Variants in PCDHGA8 observed in about 807,000 individuals in gnomAD.
The protein encoded by PCDHGA8 is protocadherin gamma-A8.
In PCDHGA8, 45 loss-of-function variants were observed where a neutral mutation model predicts 59.2. The observed-to-expected ratio is 0.76, with a 90% CI of 0.60 to 0.98. The LOEUF is 0.98. Ranked by LOEUF, PCDHGA8 falls within the 50% of genes least tolerant of loss-of-function variation. The pLI, the probability that PCDHGA8 is intolerant of heterozygous loss-of-function variation, is 0.00. For missense variants in PCDHGA8, 1,257 were observed against 1,196.2 expected (o/e 1.05, Z -0.75); for synonymous variants, 531 against 519.0 (o/e 1.02, Z -0.32).
intron 1 of PCDHGA8, among the ~76,000 whole-genome samples, chr5:141,492,356 G>A (rs2099739649): frequency 6.6e-6 from 1 of 152,198 alleles, no homozygotes; most frequent in Non-Finnish European, 1.5e-5. Context: ...ACTGCCACTC[G>A]CTCGCGGCCA....
rs1242637725 is a variant in PCDHGA8 at position 141,432,619 on chromosome 5, T to G, written c.2424+37382T>G. 3.1e-6 allele frequency: 5 copies of G among 1,612,618 alleles called. No homozygotes were observed. The highest frequency in any genetic ancestry group is 1.7e-5 in the Admixed American group (1 of 59,934). On this transcript the variant is annotated intron_variant, in intron 1 of 3. Transcript: ENST00000398604. This position sits in a 1 kb window ranked among gnomAD's most constrained non-coding sequence, Gnocchi z 6.0. ...GCGAGCCGGGACTCTTCTCGGTGGG[T>G]CTGCACACGGGCGAGGTGCGCACGG... is the stretch of plus-strand genomic sequence containing the variant.
chr5:141,428,426 C>T (rs1040765233), intron 1 of PCDHGA8: 1 of 435,172 alleles, frequency 2.3e-6, no homozygotes, highest in African/African-American at 2.0e-5. Context: ...GGTCTCTGTT[C>T]TAAGACTAGA....
chr5:141,437,512 G>A (rs1201910374), intron 1 of PCDHGA8, among the ~76,000 whole-genome samples: 2 of 152,144 alleles, frequency 1.3e-5, no homozygotes, highest in African/African-American at 2.4e-5. Flanking sequence ...TGAATTATAA[G>A]GCTGATGACA....
Position 141,491,340 on chromosome 5 carries a change from C to T in PCDHGA8, c.2425-3467C>T, listed in dbSNP as rs772328241. The T allele has an allele frequency of 3.7e-6, 6 of 1,614,144 alleles. No individual in the cohort carries two copies. The Admixed American group carries it at 6.7e-5, about 18-fold the overall frequency. ...TTTACCTCATTGTGGCTCTAGCGAC[C>T]GTCAGTCTCTTATCCCTAGTCACCT... On this transcript the variant is annotated intron_variant, in intron 1 of 3. Transcript: ENST00000398604. This position sits in a 1 kb window ranked among gnomAD's most constrained non-coding sequence, Gnocchi z 6.9.
chr5:141,497,509 C>T (rs1282025317), intron 2 of PCDHGA8, among the ~76,000 whole-genome samples: 1 of 151,184 alleles, frequency 6.6e-6, no homozygotes, highest in Non-Finnish European at 1.5e-5. Flanking sequence ...CTCTCTGCTT[C>T]CTTAGTTAAC....
chr5:141,456,875 A>C (rs2098894225), intron 1 of PCDHGA8, among the ~76,000 whole-genome samples: 1 of 152,190 alleles, frequency 6.6e-6, no homozygotes, highest in African/African-American at 2.4e-5. Context: ...AGGCAGGAGA[A>C]TCGCTTGAAC....
intron 1 of PCDHGA8, chr5:141,419,630 G>A (rs1484627772): frequency 6.2e-7 from 1 of 1,612,430 alleles, no homozygotes; most frequent in South Asian, 1.1e-5. Context: ...GGTGACCAAG[G>A]TGGTGGCCGT....
At position 141,485,680 on chromosome 5, in the gene PCDHGA8, C is replaced by A. The variant is rs1450674419; in HGVS notation, c.2425-9127C>A. The A allele has an allele frequency of 6.2e-7, 1 of 1,613,966 alleles. No individual in the cohort carries two copies. On this transcript the variant is annotated intron_variant, in intron 1 of 3. Transcript: ENST00000398604. The surrounding 1 kb of genome is among the most constrained non-coding windows in gnomAD (Gnocchi z 5.7). ...ATGTGGGGAGCAATTCGATTAGCAGCTATAGGCTGAGCTCCAATGAACACT... is the reference window on the plus strand; with the variant it reads ...ATGTGGGGAGCAATTCGATTAGCAGATATAGGCTGAGCTCCAATGAACACT...
rs1054012796 is a variant in PCDHGA8 at position 141,420,071 on chromosome 5, G to C, written c.2424+24834G>C. The C allele has an allele frequency of 6.2e-7, 1 of 1,614,050 alleles. No individual in the cohort carries two copies. On this transcript the variant is annotated intron_variant, in intron 1 of 3. Coordinates refer to ENST00000398604, the MANE Select transcript of PCDHGA8 (RefSeq NM_032088.2). ...AGTTCTCTGCTCCAAGTCCGGACCT[G>C]TGGGTCCCCCCAACTACAGTGAGGG...
At chr5:141,412,060 C>G (rs1191231135) in intron 1 of PCDHGA8, 2 of 152,154 alleles carry the variant, frequency 1.3e-5, no homozygotes, top group African/African-American at 2.4e-5. Context: ...ATACCCTTTG[C>G]ATTTGAGGGA....
intron 1 of PCDHGA8, chr5:141,414,330 G>T: frequency 6.2e-7 from 1 of 1,613,714 alleles, no homozygotes; most frequent in Non-Finnish European, 8.5e-7. Flanking sequence ...AGAATGGACA[G>T]GTAACCTGTT....
At chr5:141,436,181 T>C (rs1050736907) in intron 1 of PCDHGA8, among the ~76,000 whole-genome samples, 2 of 152,092 alleles carry the variant, frequency 1.3e-5, no homozygotes, top group African/African-American at 4.8e-5. Flanking sequence ...TCATATATAG[T>C]CAAATAGAAA....
At chr5:141,404,150 G>T in intron 1 of PCDHGA8, 1 of 1,612,828 alleles carries the variant, frequency 6.2e-7, no homozygotes, top group South Asian at 1.1e-5. Flanking sequence ...TTCAGAAGAA[G>T]ATTATTACAG....
At chr5:141,451,925 G>A (rs1391178313) in intron 1 of PCDHGA8, among the ~76,000 whole-genome samples, 2 of 152,012 alleles carry the variant, frequency 1.3e-5, no homozygotes, top group East Asian at 3.8e-4. Context: ...AGGAAGGGAG[G>A]TAGGGAGGCA....
chr5:141,410,778 G>T, intron 1 of PCDHGA8: 3 of 818,726 alleles, frequency 3.7e-6, no homozygotes, highest in Non-Finnish European at 3.4e-6. Flanking sequence ...TTTTCACTAT[G>T]TATTTGGTTC....
rs1591337394 is a variant in PCDHGA8, at chr5:141,434,573, C to A, written c.2424+39336C>A. 2.0e-5 allele frequency among the ~76,000 whole-genome samples: 3 copies of A among 152,336 alleles called. No individual in the cohort carries two copies. The South Asian group carries it at 6.2e-4, about 32-fold the overall frequency. On this transcript the variant is annotated intron_variant, in intron 1 of 3. Transcript: ENST00000398604. The stretch of plus-strand genomic sequence containing the variant: ...TCTGTGCCTTAAGGACATGCCCCTG[C>A]TGCAGATAACTACCTCAATCCATCC...
At chr5:141,422,950 G>A (rs1388735971) in intron 1 of PCDHGA8, 2 of 1,614,230 alleles carry the variant, frequency 1.2e-6, no homozygotes, top group South Asian at 1.1e-5. Flanking sequence ...CGGCTCCACT[G>A]GCGTGGAGCT....
At chr5:141,495,984 ATC>A (rs2099765081) in intron 2 of PCDHGA8, among the ~76,000 whole-genome samples, 1 of 149,246 alleles carries the variant, frequency 6.7e-6, no homozygotes, top group East Asian at 2.0e-4. Context: ...CTCTTTCTTT[ATC>A]TCTCTTTTTC....
Position 141,486,177 on chromosome 5 carries a change from G to A in PCDHGA8, c.2425-8630G>A. The A allele has an allele frequency of 6.2e-7, 1 of 1,614,222 alleles. No individual in the cohort carries two copies. Among genetic ancestry groups the A allele is most frequent in the Non-Finnish European group, 8.5e-7 (1 of 1,180,042 alleles). ...TCTCCAGCCATGGAGCAACATTGCA[G>A]CCTTCGAGTGGATCTGCTGGACGTA... On this transcript the variant is annotated intron_variant, in intron 1 of 3. Coordinates refer to ENST00000398604, the MANE Select transcript of PCDHGA8 (RefSeq NM_032088.2). The surrounding 1 kb of genome is among the most constrained non-coding windows in gnomAD (Gnocchi z 5.0).
Sources: allele counts gnomAD v4.1 joint callset (sites outside exome capture counted in the v4.1 genomes callset), GRCh38; gene constraint gnomAD v4.1.1; non-coding constraint Gnocchi (gnomAD v3.1); transcripts MANE v1.5; gene names NCBI Gene and HGNC (gene_info 2026-07-23, HGNC 2026-07-21).